Variants in NAALADL2 observed in about 807,000 individuals in gnomAD.
NAALADL2 encodes the protein N-acetylated alpha-linked acidic dipeptidase like 2, also known as inactive N-acetylated-alpha-linked acidic dipeptidase-like protein 2.
In NAALADL2, 76 loss-of-function variants were observed where a neutral mutation model predicts 87.2. The observed-to-expected ratio is 0.87, with a 90% CI of 0.72 to 1.05. NAALADL2 has a LOEUF of 1.05. Ranked by LOEUF, NAALADL2 falls within the 50% of genes least tolerant of loss-of-function variation. The probability of loss-of-function intolerance (pLI) is 0.00; values close to 1 mark genes in which losing one functional copy is unlikely to be tolerated. For synonymous variants in NAALADL2, 354 were observed against 331.0 expected, an observed-to-expected ratio of 1.07 and a Z score of -0.75; for missense variants, 1,089 against 945.8, an observed-to-expected ratio of 1.15 and a Z score of -1.99.
chr3:174,498,288 T>A (rs1718669349), intron 1 of NAALADL2, among the ~76,000 whole-genome samples: 1 of 152,066 alleles, frequency 6.6e-6, no homozygotes, highest in South Asian at 2.1e-4. Context: ...AATTAAATCA[T>A]TTGGTATATG....
At chr3:175,601,778 A>G (rs142115279) in intron 10 of NAALADL2, among the ~76,000 whole-genome samples, 333 of 152,314 alleles carry the variant, frequency 2.2e-3, no homozygotes, top group African/African-American at 7.6e-3. Flanking sequence ...AAATGCCACA[A>G]CCAAAAACCA....
chr3:174,957,283 A>C (rs1741288476), intron 1 of NAALADL2, among the ~76,000 whole-genome samples: 1 of 152,020 alleles, frequency 6.6e-6, no homozygotes, highest in South Asian at 2.1e-4. Context: ...AAGGGGAGAC[A>C]GCACAATGAG....
At chr3:175,067,780 A>G (rs1321664067) in intron 1 of NAALADL2, among the ~76,000 whole-genome samples, 1 of 152,122 alleles carries the variant, frequency 6.6e-6, no homozygotes, top group Admixed American at 6.6e-5. Context: ...CCAAAAAGAC[A>G]CAGCCACTTG....
At chr3:174,810,440 T>C (rs1720045858) in intron 3 of NAALADL2, among the ~76,000 whole-genome samples, 2 of 152,030 alleles carry the variant, frequency 1.3e-5, no homozygotes, top group African/African-American at 4.8e-5. Context: ...CTGTTACACA[T>C]TGACAAAGAG....
rs373775432 is a variant in NAALADL2, at chr3:175,430,349, T to G, written c.1091-16880T>G. Among the ~76,000 whole-genome samples the G allele has an allele frequency of 2.6e-5, 4 of 152,080 alleles. No individual in the cohort carries two copies. The South Asian group carries it at 6.2e-4, about 24-fold the overall frequency. ...TGATTGTTAACCTATATATGTGTGT[T>G]AATTTGGAAACTTGAAAGCAATGAA... On this transcript the variant is annotated intron_variant, in intron 5 of 13. Coordinates refer to ENST00000454872, the MANE Select transcript of NAALADL2 (RefSeq NM_207015.3).
intron 2 of NAALADL2, among the ~76,000 whole-genome samples, chr3:174,663,709 A>G (rs1356988764): frequency 6.6e-6 from 1 of 152,108 alleles, no homozygotes; most frequent in Non-Finnish European, 1.5e-5. Context: ...AAATTTTAAC[A>G]TAAATTTTGT....
chr3:175,272,596 T>C (rs1273953365), intron 4 of NAALADL2, among the ~76,000 whole-genome samples: 2 of 152,164 alleles, frequency 1.3e-5, no homozygotes, highest in African/African-American at 2.4e-5. Flanking sequence ...CAGATAAATA[T>C]TGAGGTTTGA....
At chr3:174,845,727 G>A (rs987266001) in intron 3 of NAALADL2, among the ~76,000 whole-genome samples, 1 of 152,178 alleles carries the variant, frequency 6.6e-6, no homozygotes. Context: ...AGAGTTCCCT[G>A]TTGTGCAGAT....
rs1004752628 is a variant in NAALADL2 at position 175,777,274 on chromosome 3, C to T, written c.2189+21856C>T. Among the ~76,000 whole-genome samples the T allele has an allele frequency of 1.6e-4, 25 of 151,918 alleles. 1 individual carries two copies. The highest frequency in any genetic ancestry group is 3.4e-3 in the Middle Eastern group (1 of 294). On this transcript the variant is annotated intron_variant, in intron 13 of 13. Coordinates refer to ENST00000454872, the MANE Select transcript of NAALADL2 (RefSeq NM_207015.3). Reference sequence around the variant, plus strand: ...TAAGATATTGAAATTAAAACCCTTTCGATAATGTACTTTTCTAAATCCTGA... The same window carrying T: ...TAAGATATTGAAATTAAAACCCTTTTGATAATGTACTTTTCTAAATCCTGA...
At chr3:174,798,828 T>G (rs938807880) in intron 3 of NAALADL2, among the ~76,000 whole-genome samples, 1 of 152,136 alleles carries the variant, frequency 6.6e-6, no homozygotes, top group African/African-American at 2.4e-5. Flanking sequence ...TTTAGTGGAT[T>G]CCTATGGATT....
At chr3:174,632,917 G>C (rs1286240093) in intron 2 of NAALADL2, among the ~76,000 whole-genome samples, 1 of 107,118 alleles carries the variant, frequency 9.3e-6, no homozygotes, top group Non-Finnish European at 1.7e-5. Flanking sequence ...CCTGGAGACA[G>C]AGCAAGACTC....
chr3:174,725,404 TGGTATTATA>T (rs1732085957), intron 2 of NAALADL2, among the ~76,000 whole-genome samples: 1 of 152,198 alleles, frequency 6.6e-6, no homozygotes, highest in Admixed American at 6.5e-5. Context: ...CATATTTCAT[TGGTATTATA>T]GGCTGTTTTT....
chr3:175,034,453 C>T (rs771763649), intron 1 of NAALADL2, among the ~76,000 whole-genome samples: 1 of 152,088 alleles, frequency 6.6e-6, no homozygotes, highest in Non-Finnish European at 1.5e-5. Context: ...CTGTTATCAT[C>T]TCAAATTAGA....
intron 7 of NAALADL2, among the ~76,000 whole-genome samples, chr3:175,464,982 TG>T (rs1455733293): frequency 6.6e-6 from 1 of 152,224 alleles, no homozygotes; most frequent in African/African-American, 2.4e-5. Flanking sequence ...GAAAATTCAC[TG>T]TACAAAATAA....
At chr3:175,595,302 G>A (rs1722103366) in intron 10 of NAALADL2, among the ~76,000 whole-genome samples, 1 of 152,006 alleles carries the variant, frequency 6.6e-6, no homozygotes, top group African/African-American at 2.4e-5. Context: ...AGATTAGATG[G>A]TTGTAGGTGT....
intron 1 of NAALADL2, among the ~76,000 whole-genome samples, chr3:175,072,054 C>A (rs905633931): frequency 2.0e-5 from 3 of 151,916 alleles, no homozygotes; most frequent in East Asian, 3.9e-4. Flanking sequence ...TTTTGTGGTT[C>A]AGAAAATATG....
At chr3:175,649,553 G>T (rs2149784339) in intron 11 of NAALADL2, among the ~76,000 whole-genome samples, 1 of 152,232 alleles carries the variant, frequency 6.6e-6, no homozygotes, top group Admixed American at 6.5e-5. Context: ...CAGGAGGGTT[G>T]GTATCTGGTA....
chr3:175,389,406 G>T (rs1033706425), intron 5 of NAALADL2, among the ~76,000 whole-genome samples: 1 of 152,000 alleles, frequency 6.6e-6, no homozygotes, highest in Non-Finnish European at 1.5e-5. Flanking sequence ...TATTGTTCTG[G>T]CTTTATAAGT....
At chr3:174,735,764 T>C (rs1487549509) in intron 2 of NAALADL2, among the ~76,000 whole-genome samples, 1 of 152,160 alleles carries the variant, frequency 6.6e-6, no homozygotes, top group Non-Finnish European at 1.5e-5. Context: ...AGGGTCCCAC[T>C]GTTCCAGGAT....
Sources: allele counts gnomAD v4.1 joint callset (sites outside exome capture counted in the v4.1 genomes callset), GRCh38; gene constraint gnomAD v4.1.1; transcripts MANE v1.5; gene names NCBI Gene and HGNC (gene_info 2026-07-23, HGNC 2026-07-21).